The following STARD13 variants were observed in gnomAD, a reference collection of about 807,000 sequenced individuals.
STARD13 encodes the protein stAR-related lipid transfer protein 13.
STARD13 carries 62 observed loss-of-function variants against 106.4 expected under a neutral mutation model. The ratio of observed to expected loss-of-function variants is 0.58; its 90% CI spans 0.48 to 0.72. STARD13 has a LOEUF of 0.72. Ranked by LOEUF, STARD13 falls within the 30% of genes least tolerant of loss-of-function variation. The pLI, the probability that STARD13 is intolerant of heterozygous loss-of-function variation, is 0.00. For synonymous variants in STARD13, 565 were observed against 553.0 expected, an observed-to-expected ratio of 1.02 and a Z score of -0.31; for missense variants, 1,387 against 1,424.0, an observed-to-expected ratio of 0.97 and a Z score of 0.42.
At chr13:33,135,726 G>A (rs150446558) in intron 4 of STARD13, among the ~76,000 whole-genome samples, 4 of 152,246 alleles carry the variant, frequency 2.6e-5, no homozygotes, top group Admixed American at 6.5e-5. Flanking sequence ...TACGATGACT[G>A]GTACTCAAAC....
the STARD13 span, among the ~76,000 whole-genome samples, chr13:33,455,899 G>A: frequency 5.9e-5 from 9 of 152,058 alleles, no homozygotes; most frequent in African/African-American, 1.4e-4. Context: ...AGCCAAGATC[G>A]CACCACGGCA....
chr13:33,528,257 C>CATATAT, the STARD13 span, among the ~76,000 whole-genome samples: 6 of 92,928 alleles, frequency 6.5e-5, no homozygotes, highest in African/African-American at 3.9e-4. Context: ...TATATATATA[C>CATATAT]ATATATATAT....
the STARD13 span, among the ~76,000 whole-genome samples, chr13:33,370,287 C>A: frequency 2.0e-5 from 3 of 152,142 alleles, no homozygotes; most frequent in South Asian, 6.2e-4. Context: ...ATGATTTGAT[C>A]CTCCCAGAAT....
intron 1 of STARD13, among the ~76,000 whole-genome samples, chr13:33,325,161 C>G (rs964607337): frequency 6.6e-6 from 1 of 152,040 alleles, no homozygotes; most frequent in Non-Finnish European, 1.5e-5. Flanking sequence ...TGTCATTTTC[C>G]CCCCAAATCC....
intron 1 of STARD13, among the ~76,000 whole-genome samples, chr13:33,240,862 A>G (rs973897810): frequency 6.6e-5 from 10 of 152,052 alleles, no homozygotes; most frequent in African/African-American, 2.4e-4. Context: ...TTTCATTTTC[A>G]GATTGATAAT....
At chr13:33,384,006 C>A in the STARD13 span, among the ~76,000 whole-genome samples, 1 of 152,058 alleles carries the variant, frequency 6.6e-6, no homozygotes, top group South Asian at 2.1e-4. Context: ...CCAACCAAGA[C>A]AACAGAAGGC....
intron 1 of STARD13, among the ~76,000 whole-genome samples, chr13:33,323,772 C>T (rs1893643980): frequency 6.6e-6 from 1 of 152,206 alleles, no homozygotes; most frequent in African/African-American, 2.4e-5. Context: ...TAAAAGACCA[C>T]TTGGCTCCAC....
intron 1 of STARD13, among the ~76,000 whole-genome samples, chr13:33,185,056 C>T (rs1221965195): frequency 6.6e-6 from 1 of 152,196 alleles, no homozygotes; most frequent in South Asian, 2.1e-4. Context: ...TGAAGAGGCT[C>T]AGGTGTAAAT....
At chr13:33,176,682 A>AAG (rs1364454630) in intron 1 of STARD13, among the ~76,000 whole-genome samples, 1 of 152,172 alleles carries the variant, frequency 6.6e-6, no homozygotes, top group Non-Finnish European at 1.5e-5. Context: ...TTCTCCACTG[A>AAG]AGACTTAAGA....
At chr13:33,612,510 C>A in the STARD13 span, among the ~76,000 whole-genome samples, 4 of 152,120 alleles carry the variant, frequency 2.6e-5, no homozygotes, top group Non-Finnish European at 5.9e-5. Flanking sequence ...CCTGGAAGCC[C>A]CTACTCCCTG....
chr13:33,374,884 T>C, the STARD13 span, among the ~76,000 whole-genome samples: 6 of 152,194 alleles, frequency 3.9e-5, no homozygotes, highest in African/African-American at 1.4e-4. Context: ...TCTGATTCTA[T>C]AGATTCTAAT....
chr13:33,250,059 G>A (rs1330895019), intron 1 of STARD13, among the ~76,000 whole-genome samples: 1 of 151,976 alleles, frequency 6.6e-6, no homozygotes, highest in Non-Finnish European at 1.5e-5. Context: ...CCAAGTGTTG[G>A]GATTACAGGC....
At chr13:33,167,479 C>G (rs1055555803) in intron 2 of STARD13, 72 bp downstream of exon 2, 1 of 1,471,258 alleles carries the variant, frequency 6.8e-7, no homozygotes, top group East Asian at 2.3e-5. Context: ...GAAGTCAAAA[C>G]ACACCACAGG....
chr13:33,501,539 T>C, the STARD13 span, among the ~76,000 whole-genome samples: 1 of 152,210 alleles, frequency 6.6e-6, no homozygotes, highest in Non-Finnish European at 1.5e-5. Flanking sequence ...GAGTCTTTAA[T>C]CTATCTTGAA....
Position 33,285,646 on chromosome 13 carries a change from G to A in STARD13, c.-8C>T, listed in dbSNP as rs1259048894. 3 of 1,611,978 alleles carry A rather than the reference G, an allele frequency of 1.9e-6. No individual in the cohort carries two copies. The highest frequency in any genetic ancestry group is 2.5e-6 in the Non-Finnish European group (3 of 1,179,686). ...GGGCACCTGACTGAACATCTCGGCA[G>A]ATTTCCTATTGCCACCTCAGTCTGC... On this transcript the variant is annotated 5_prime_UTR_variant, in exon 1 of 14. Coordinates refer to ENST00000336934, the MANE Select transcript of STARD13 (RefSeq NM_178006.4).
At chr13:33,272,774 C>T (rs1017269856) in intron 1 of STARD13, 4 of 152,206 alleles carry the variant, frequency 2.6e-5, no homozygotes, top group Non-Finnish European at 5.9e-5. Flanking sequence ...GCTACAGTGT[C>T]CAGGGCCAGC....
chr13:33,141,689 T>A (rs1879850927), intron 4 of STARD13, among the ~76,000 whole-genome samples: 1 of 152,098 alleles, frequency 6.6e-6, no homozygotes, highest in African/African-American at 2.4e-5. Context: ...TCTTGACACA[T>A]GCATGAAATA....
chr13:33,135,543 TTTATAA>T (rs1405992498), intron 4 of STARD13, among the ~76,000 whole-genome samples: 5 of 152,234 alleles, frequency 3.3e-5, no homozygotes, highest in African/African-American at 9.6e-5. Context: ...CATTTATAAC[TTTATAA>T]TTATAAGAAT....
the STARD13 span, among the ~76,000 whole-genome samples, chr13:33,499,546 CTT>C: frequency 1.9e-5 from 1 of 52,286 alleles, no homozygotes; most frequent in Admixed American, 2.2e-4. Flanking sequence ...TCTTCTTCTT[CTT>C]CTTCTTCTTC....
Sources: allele counts gnomAD v4.1 joint callset (sites outside exome capture counted in the v4.1 genomes callset), GRCh38; gene constraint gnomAD v4.1.1; transcripts MANE v1.5; gene names NCBI Gene and HGNC (gene_info 2026-07-23, HGNC 2026-07-21).